Variants in PPP1R12B observed in about 807,000 individuals in gnomAD.
The protein encoded by PPP1R12B is protein phosphatase 1 regulatory subunit 12B, also known as myosin phosphatase target subunit 2.
A neutral mutation model predicts 126.1 loss-of-function variants in PPP1R12B; 76 were observed. The ratio of observed to expected loss-of-function variants is 0.60; its 90% CI spans 0.50 to 0.73. The LOEUF (loss-of-function observed/expected upper bound fraction) is 0.73. PPP1R12B is among the 30% of genes least tolerant of loss of function. The probability of loss-of-function intolerance (pLI) is 0.00; values close to 1 mark genes in which losing one functional copy is unlikely to be tolerated. For missense variants in PPP1R12B, 1,052 were observed against 1,205.1 expected (o/e 0.87, Z 1.88); for synonymous variants, 356 against 434.7 (o/e 0.82, Z 2.25).
intron 18 of PPP1R12B, among the ~76,000 whole-genome samples, chr1:202,526,005 G>A (rs1430383232): frequency 6.6e-6 from 1 of 152,212 alleles, no homozygotes; most frequent in Admixed American, 6.5e-5. Context: ...AGAAAAGGGT[G>A]TTTTTTAAGC....
intron 23 of PPP1R12B, among the ~76,000 whole-genome samples, chr1:202,578,162 T>C (rs1689261869): frequency 6.6e-6 from 1 of 152,196 alleles, no homozygotes; most frequent in African/African-American, 2.4e-5. Context: ...AACTGCCTTG[T>C]CCAAATTTTT....
chr1:202,530,633 AG>A (rs1349517964), intron 18 of PPP1R12B, among the ~76,000 whole-genome samples: 24 of 152,170 alleles, frequency 1.6e-4, no homozygotes, highest in African/African-American at 5.5e-4. Context: ...AATATATGGG[AG>A]CAAGATTGGG....
rs1668546841 is a variant in PPP1R12B at position 202,419,994 on chromosome 1, C to T, written c.423-2626C>T. Among the ~76,000 whole-genome samples the T allele has an allele frequency of 6.6e-6, 1 of 152,174 alleles. No individual in the cohort carries two copies. The highest frequency in any genetic ancestry group is 2.4e-5 in the African/African-American group (1 of 41,446). On this transcript the variant is annotated intron_variant, in intron 2 of 23. Transcript: ENST00000608999. The surrounding 1 kb of genome is among the most constrained non-coding windows in gnomAD (Gnocchi z 4.6). ...GGAATAGTCAATTAAATGTTCATCT[C>T]ACGCTCAGTAAATCTCACTTTACAT...
intron 18 of PPP1R12B, among the ~76,000 whole-genome samples, chr1:202,518,720 G>A (rs1374805493): frequency 6.6e-5 from 10 of 152,078 alleles, no homozygotes; most frequent in African/African-American, 2.4e-4. Context: ...TCTTTAATGA[G>A]GCCTTGTTAT....
intron 1 of PPP1R12B, among the ~76,000 whole-genome samples, chr1:202,375,099 C>T (rs1350264223): frequency 3.3e-5 from 5 of 152,096 alleles, no homozygotes; most frequent in Admixed American, 6.6e-5. Flanking sequence ...TGTGCCACCA[C>T]GCCCGGCTAA....
rs1449172101 is a variant in PPP1R12B at position 202,589,466 on chromosome 1, G to C, written c.*8906G>C. 6.6e-6 allele frequency: 1 copy of C among 152,264 alleles called. No homozygotes were observed. 9.4% of individuals were successfully genotyped at this position (152,264 alleles called of 1,614,324 possible). ...AACAAGCACACTTGATGTCATGGTTGAAGAATTCAGTCCTGTCCTGGGGCA... is the reference window on the plus strand; with the variant it reads ...AACAAGCACACTTGATGTCATGGTTCAAGAATTCAGTCCTGTCCTGGGGCA... On this transcript the variant is annotated 3_prime_UTR_variant, in exon 24 of 24. Transcript: ENST00000608999.
At chr1:202,567,721 G>C in intron 21 of PPP1R12B, 57 bp from the exon 22 acceptor site, 1 of 1,572,758 alleles carries the variant, frequency 6.4e-7, no homozygotes, top group Non-Finnish European at 8.7e-7. Flanking sequence ...TAGACTGGGC[G>C]TTCTACTGGC....
In PPP1R12B at chr1:202,509,402, G is replaced by T. The variant is rs1208834604; in HGVS notation, c.2490+12580G>T. ...AATATAGTCTCTCTGTTATGTTTTAGTTCATTACCTTTTGAGGAGAAAGTC... is the reference window on the plus strand; with the variant it reads ...AATATAGTCTCTCTGTTATGTTTTATTTCATTACCTTTTGAGGAGAAAGTC... On this transcript the variant is annotated intron_variant, in intron 18 of 23. Transcript: ENST00000608999. Among the ~76,000 whole-genome samples the T allele has an allele frequency of 5.3e-5, 8 of 152,272 alleles. No individual in the cohort carries two copies. The East Asian group carries it at 1.5e-3, about 29-fold the overall frequency.
chr1:202,377,438 G>A (rs1397705090), intron 1 of PPP1R12B, among the ~76,000 whole-genome samples: 1 of 151,900 alleles, frequency 6.6e-6, no homozygotes, highest in Non-Finnish European at 1.5e-5. Context: ...TAGCAGCTGG[G>A]ACTACAAGCG....
At chr1:202,461,628 G>A (rs1265729977) in intron 13 of PPP1R12B, among the ~76,000 whole-genome samples, 7 of 151,934 alleles carry the variant, frequency 4.6e-5, no homozygotes, top group Non-Finnish European at 2.9e-5. Context: ...CATGCTATAG[G>A]GATTCCATAT....
chr1:202,451,909 C>T (rs1244690723), intron 13 of PPP1R12B, among the ~76,000 whole-genome samples: 13 of 151,926 alleles, frequency 8.6e-5, no homozygotes, highest in South Asian at 2.1e-4. Context: ...ACTTCCCAGA[C>T]GGGGTGGCTG....
intron 15 of PPP1R12B, among the ~76,000 whole-genome samples, 165 bp downstream of exon 15, chr1:202,493,482 A>G (rs1409989005): frequency 6.6e-6 from 1 of 152,152 alleles, no homozygotes; most frequent in Non-Finnish European, 1.5e-5. Flanking sequence ...AATTTAGAGG[A>G]TGTTGGTCCT....
At chr1:202,503,461 T>A (rs1680444499) in intron 18 of PPP1R12B, among the ~76,000 whole-genome samples, 1 of 152,232 alleles carries the variant, frequency 6.6e-6, no homozygotes, top group Non-Finnish European at 1.5e-5. Flanking sequence ...AAGAGGACAG[T>A]TAGATGTAGG....
At chr1:202,430,414 A>T (rs908420615) in intron 6 of PPP1R12B, among the ~76,000 whole-genome samples, 1 of 152,114 alleles carries the variant, frequency 6.6e-6, no homozygotes, top group African/African-American at 2.4e-5. Context: ...TGAATCATAA[A>T]GAATTCTTTC....
At chr1:202,416,164 C>G (rs1186268903) in intron 1 of PPP1R12B, among the ~76,000 whole-genome samples, 1 of 152,070 alleles carries the variant, frequency 6.6e-6, no homozygotes, top group Admixed American at 6.6e-5. Flanking sequence ...AATGATGAAA[C>G]AGCTTATTCA....
At chr1:202,528,146 GA>G (rs1683546878) in intron 18 of PPP1R12B, among the ~76,000 whole-genome samples, 1 of 152,082 alleles carries the variant, frequency 6.6e-6, no homozygotes, top group Non-Finnish European at 1.5e-5. Flanking sequence ...CTGTGGCATG[GA>G]AAAAAATTTG....
intron 23 of PPP1R12B, among the ~76,000 whole-genome samples, chr1:202,571,563 T>C (rs1572549238): frequency 6.6e-6 from 1 of 152,356 alleles, no homozygotes. Flanking sequence ...CAAGCGATTC[T>C]CCTGCCTCAG....
At chr1:202,548,768 CGCTCGCTG>C (rs1685933341) in intron 18 of PPP1R12B, among the ~76,000 whole-genome samples, 1 of 127,796 alleles carries the variant, frequency 7.8e-6, no homozygotes, top group African/African-American at 2.8e-5. Flanking sequence ...CTCGCTCACT[CGCTCGCTG>C]TCTCTCTCTC....
chr1:202,358,710 G>A (rs990037725), intron 1 of PPP1R12B, among the ~76,000 whole-genome samples: 4 of 151,522 alleles, frequency 2.6e-5, no homozygotes, highest in Admixed American at 2.0e-4. Context: ...TGAAACTTGA[G>A]TTTTCAGTAT....
Sources: gnomAD v4.1 joint callset for allele counts (sites outside exome capture counted in the v4.1 genomes callset) on GRCh38, gnomAD v4.1.1 for gene constraint, Gnocchi (gnomAD v3.1) non-coding constraint, MANE v1.5 for transcripts, NCBI Gene and HGNC (gene_info 2026-07-23, HGNC 2026-07-21) for gene names.